Variants in METTL16 observed in about 807,000 individuals in gnomAD.
METTL16 encodes RNA N(6)-adenosine-methyltransferase METTL16.
A neutral mutation model predicts 57.9 loss-of-function variants in METTL16; 19 were observed. That is an observed-to-expected ratio of 0.33 (90% confidence interval 0.23 to 0.48). The LOEUF is 0.48. METTL16 is among the 20% of genes least tolerant of loss of function. The pLI, the probability that METTL16 is intolerant of heterozygous loss-of-function variation, is 0.99. For missense variants in METTL16, 434 were observed against 691.5 expected, an observed-to-expected ratio of 0.63 and a Z score of 4.18; for synonymous variants, 246 against 255.6, an observed-to-expected ratio of 0.96 and a Z score of 0.36.
chr17:2,443,565 C>A (rs2066969709), intron 6 of METTL16, among the ~76,000 whole-genome samples: 2 of 151,160 alleles, frequency 1.3e-5, no homozygotes, highest in Non-Finnish European at 2.9e-5. Context: ...AGGCTCGCTG[C>A]AAGCTCCACC....
intron 4 of METTL16, among the ~76,000 whole-genome samples, chr17:2,470,561 C>T (rs2067228684): frequency 6.6e-6 from 1 of 152,142 alleles, no homozygotes; most frequent in South Asian, 2.1e-4. Context: ...GTAACTCCAG[C>T]ACTTTGGGAG....
At chr17:2,423,182 C>A (rs546185429) in intron 8 of METTL16, among the ~76,000 whole-genome samples, 1 of 151,956 alleles carries the variant, frequency 6.6e-6, no homozygotes, top group Non-Finnish European at 1.5e-5. Flanking sequence ...AACCAGCGGC[C>A]TCACACTGCA....
Position 2,451,253 on chromosome 17 carries a change from A to T in METTL16, c.729-9694T>A, listed in dbSNP as rs150368965. Among the ~76,000 whole-genome samples the T allele has an allele frequency of 6.7e-3, 1,018 of 152,344 alleles. 5 individuals carry two copies. Among genetic ancestry groups the T allele is most frequent in the Non-Finnish European group, 0.011 (782 of 68,036 alleles). ...TAAAACACTTTAAACAAACCCCGGT[A>T]AAGTTATTTAAAGGATAATAAATTT... On this transcript the variant is annotated intron_variant, in intron 6 of 9. Transcript: ENST00000263092.
chr17:2,489,110 T>TC (rs913276246), intron 2 of METTL16, among the ~76,000 whole-genome samples: 9 of 20,368 alleles, frequency 4.4e-4, no homozygotes, highest in Admixed American at 2.7e-3. Flanking sequence ...AACTTTTCAT[T>TC]CTTTTTTTTT....
In METTL16 at chr17:2,479,117, A is replaced by G. The variant is rs181331761; in HGVS notation, c.129-1232T>C. Among the ~76,000 whole-genome samples, 18 of 152,266 alleles carry G rather than the reference A, an allele frequency of 1.2e-4. No homozygotes were observed. The East Asian group carries it at 3.5e-3, about 29-fold the overall frequency. ...GAAAATATTAAAAAAGAATATCAACAGACCTTATTTATAAACAGAGCAGGG... is the reference window on the plus strand; with the variant it reads ...GAAAATATTAAAAAAGAATATCAACGGACCTTATTTATAAACAGAGCAGGG... On this transcript the variant is annotated intron_variant, in intron 2 of 9. Transcript: ENST00000263092.
At chr17:2,505,485 G>T (rs2067525885) in intron 1 of METTL16, among the ~76,000 whole-genome samples, 1 of 130,320 alleles carries the variant, frequency 7.7e-6, no homozygotes, top group African/African-American at 2.9e-5. Context: ...CTGGCCTCAA[G>T]CAATCCTGCC....
chr17:2,432,612 C>G (rs112541458), intron 8 of METTL16, among the ~76,000 whole-genome samples: 2 of 151,970 alleles, frequency 1.3e-5, no homozygotes, highest in African/African-American at 4.8e-5. Flanking sequence ...TTATATCCGA[C>G]GCTCACGGTC....
At chr17:2,495,262 T>C (rs1377988722) in intron 2 of METTL16, among the ~76,000 whole-genome samples, 1 of 151,330 alleles carries the variant, frequency 6.6e-6, no homozygotes, top group African/African-American at 2.4e-5. Flanking sequence ...CCCGGGGAGG[T>C]TGAGGCTACT....
At chr17:2,438,941 T>C (rs1361633917) in intron 7 of METTL16, among the ~76,000 whole-genome samples, 1 of 152,178 alleles carries the variant, frequency 6.6e-6, no homozygotes, top group Admixed American at 6.5e-5. Context: ...GAAATGGTAT[T>C]GTGAGGAAAA....
At chr17:2,450,816 A>AT (rs1168773345) in intron 6 of METTL16, among the ~76,000 whole-genome samples, 1 of 152,166 alleles carries the variant, frequency 6.6e-6, no homozygotes, top group Admixed American at 6.5e-5. Flanking sequence ...TCAATATTTA[A>AT]TTGTTTATAT....
At chr17:2,502,894 T>C (rs1192880564) in intron 1 of METTL16, among the ~76,000 whole-genome samples, 4 of 152,054 alleles carry the variant, frequency 2.6e-5, no homozygotes. Flanking sequence ...CCCACTAGGA[T>C]GGCTGCTGTC....
intron 8 of METTL16, among the ~76,000 whole-genome samples, chr17:2,429,430 C>T (rs2066853582): frequency 6.6e-6 from 1 of 150,672 alleles, no homozygotes; most frequent in South Asian, 2.1e-4. Flanking sequence ...TCAGGCAATC[C>T]GCCCGCCTCG....
rs202110734 is a variant in METTL16 at position 2,420,199 on chromosome 17, G to C, written c.1460C>G (p.Ala487Gly). 1.2e-6 allele frequency: 2 copies of C among 1,614,120 alleles called. No homozygotes were observed. The highest frequency in any genetic ancestry group is 1.7e-6 in the Non-Finnish European group (2 of 1,180,034). Residue 487 changes from alanine (A) to glycine (G), a missense_variant, in exon 10 of 10, where the codon GCC becomes GGC. This residue lies in a region of METTL16 where 168 missense variants were observed against 149.6 expected (regional missense o/e 1.12). Coordinates refer to ENST00000263092, the MANE Select transcript of METTL16 (RefSeq NM_024086.4). The surrounding 1 kb of genome is among the most constrained non-coding windows in gnomAD (Gnocchi z 5.4). ...LESCQGSSNG[A>G]QDQEASEQFG... ...CTGCTCAGAAGCCTCTTGGTCCTGG[G>C]CTCCGTTGCTAGAGCCTTGACAACT...
chr17:2,467,786 A>G lies in METTL16; in HGVS notation c.560T>C (p.Phe187Ser). 1.9e-6 allele frequency: 3 copies of G among 1,614,020 alleles called. No individual in the cohort carries two copies. The highest frequency in any genetic ancestry group is 2.5e-6 in the Non-Finnish European group (3 of 1,179,900). ...IYDFCMCNPP[F>S]FANQLEAKGV... The stretch of plus-strand genomic sequence containing the variant: ...CTTGGCTTCCAATTGATTGGCAAAA[A>G]AGGGAGGGTTGCACATGCAAAAGTC... Residue 187 changes from phenylalanine (F) to serine (S), a missense_variant, in exon 5 of 10, where the codon TTT becomes TCT. Physicochemically the swap from Phe to Ser is radical, Grantham distance 155. Around this residue, in one of 5 missense-constraint regions of METTL16, gnomAD observed 118 missense variants for 280.0 expected, o/e 0.42. Coordinates refer to ENST00000263092, the MANE Select transcript of METTL16 (RefSeq NM_024086.4).
rs1375460767 is a variant in METTL16, at chr17:2,464,132, A to C, written c.728+76T>G. The C allele has an allele frequency of 3.0e-5, 45 of 1,478,296 alleles. No homozygotes were observed. The East Asian group carries it at 8.3e-4, about 27-fold the overall frequency. 91.6% of individuals were successfully genotyped at this position (1,478,296 alleles called of 1,614,324 possible). A position where few individuals can be genotyped will look rare whatever the true frequency, so the allele number is the denominator to read the frequency against. ...AGCAAGACTCTGTCCCCCGCCACCA[A>C]AAAAAAGAGAACTACATAGCGGGTA... On this transcript the variant is annotated intron_variant, in intron 6 of 9. Coordinates refer to ENST00000263092, the MANE Select transcript of METTL16 (RefSeq NM_024086.4).
At chr17:2,479,558 G>T (rs1025488775) in intron 2 of METTL16, among the ~76,000 whole-genome samples, 1 of 152,052 alleles carries the variant, frequency 6.6e-6, no homozygotes, top group South Asian at 2.1e-4. Context: ...TGGCCTCAAG[G>T]TGTCTGGTCA....
intron 2 of METTL16, among the ~76,000 whole-genome samples, chr17:2,501,013 A>C (rs1262409409): frequency 1.3e-5 from 2 of 152,274 alleles, no homozygotes; most frequent in Non-Finnish European, 2.9e-5. Context: ...GCTACTCAGG[A>C]GGCTGAGACA....
At chr17:2,497,794 A>T (rs540262968) in intron 2 of METTL16, among the ~76,000 whole-genome samples, 1 of 151,070 alleles carries the variant, frequency 6.6e-6, no homozygotes, top group African/African-American at 2.5e-5. Context: ...TGGCGCGATC[A>T]TGGTTCACTG....
intron 2 of METTL16, among the ~76,000 whole-genome samples, chr17:2,479,723 A>G (rs1349173634): frequency 6.6e-6 from 1 of 152,132 alleles, no homozygotes; most frequent in Non-Finnish European, 1.5e-5. Flanking sequence ...CCACCCAGCA[A>G]CCATGGAAAC....
Sources: allele counts gnomAD v4.1 joint callset (sites outside exome capture counted in the v4.1 genomes callset), GRCh38; gene constraint gnomAD v4.1.1; regional missense constraint gnomAD v4.1.1; non-coding constraint Gnocchi (gnomAD v3.1); transcripts MANE v1.5; gene names NCBI Gene and HGNC (gene_info 2026-07-23, HGNC 2026-07-21).